The following STAG1 variants were observed in gnomAD, a reference collection of about 807,000 sequenced individuals.
STAG1 encodes the protein STAG1 cohesin complex component, also known as cohesin subunit SA-1.
Under a neutral mutation model 170.9 loss-of-function variants are expected in STAG1, and 26 were observed. The observed-to-expected ratio is 0.15, with a 90% confidence interval of 0.11 to 0.21. STAG1 has a LOEUF of 0.21. Among genes scored for constraint, STAG1 ranks in the 10% least tolerant of loss-of-function variants. The probability of loss-of-function intolerance (pLI) is 1.00; values close to 1 mark genes in which losing one functional copy is unlikely to be tolerated. For synonymous variants in STAG1, 514 were observed against 497.7 expected (o/e 1.03, Z -0.44); for missense variants, 964 against 1,509.5 (o/e 0.64, Z 5.99).
chr3:136,556,359 T>C (rs1936615122), intron 5 of STAG1, among the ~76,000 whole-genome samples: 1 of 152,160 alleles, frequency 6.6e-6, no homozygotes, highest in African/African-American at 2.4e-5. Flanking sequence ...CAGCAGCAGT[T>C]GTTCAAGTAG....
chr3:136,574,868 ATTCTT>A (rs1330205633), intron 4 of STAG1, among the ~76,000 whole-genome samples: 3 of 152,216 alleles, frequency 2.0e-5, no homozygotes, highest in South Asian at 2.1e-4. Flanking sequence ...CAGAATACAC[ATTCTT>A]TTCAAGTACA....
chr3:136,433,421 A>G, intron 16 of STAG1, 135 bp downstream of exon 16: 1 of 678,756 alleles, frequency 1.5e-6, no homozygotes, highest in South Asian at 1.7e-5. Context: ...GGATATAAAG[A>G]TGAAGCACCA....
intron 1 of STAG1, among the ~76,000 whole-genome samples, chr3:136,724,471 G>C (rs1933542161): frequency 6.6e-6 from 1 of 151,726 alleles, no homozygotes; most frequent in Non-Finnish European, 1.5e-5. Flanking sequence ...CACTGAGGAA[G>C]GCCGCAGGGT....
At chr3:136,714,682 C>T (rs996752771) in intron 1 of STAG1, among the ~76,000 whole-genome samples, 2 of 151,692 alleles carry the variant, frequency 1.3e-5, no homozygotes, top group Non-Finnish European at 2.9e-5. Flanking sequence ...GAGCCAAGAT[C>T]GTGCCACTGC....
At chr3:136,523,105 A>C (rs1576560941) in intron 6 of STAG1, among the ~76,000 whole-genome samples, 1 of 152,266 alleles carries the variant, frequency 6.6e-6, no homozygotes, top group African/African-American at 2.4e-5. Flanking sequence ...GGCTGGCTCA[A>C]ATGATATTTC....
intron 1 of STAG1, among the ~76,000 whole-genome samples, chr3:136,712,902 C>G (rs944385336): frequency 6.6e-6 from 1 of 152,028 alleles, no homozygotes; most frequent in Admixed American, 6.5e-5. Flanking sequence ...ACCAGCCTGG[C>G]CAACATGGCG....
chr3:136,475,897 T>C (rs778009703), intron 10 of STAG1, among the ~76,000 whole-genome samples: 5 of 152,180 alleles, frequency 3.3e-5, no homozygotes, highest in Admixed American at 6.5e-5. Flanking sequence ...TTATTTCCTT[T>C]AGAAAGAGAA....
intron 1 of STAG1, among the ~76,000 whole-genome samples, chr3:136,677,133 GAAGTA>G (rs962519196): frequency 3.9e-5 from 6 of 152,068 alleles, no homozygotes; most frequent in African/African-American, 1.4e-4. Flanking sequence ...ATAACAATTG[GAAGTA>G]TAGTACAATA....
At chr3:136,629,945 C>T (rs1039646978) in intron 2 of STAG1, among the ~76,000 whole-genome samples, 4 of 152,046 alleles carry the variant, frequency 2.6e-5, no homozygotes, top group African/African-American at 4.8e-5. Flanking sequence ...CATGTAATCC[C>T]GGCACTTTGG....
chr3:136,612,634 C>T (rs1321001088), intron 3 of STAG1, among the ~76,000 whole-genome samples: 2 of 152,178 alleles, frequency 1.3e-5, no homozygotes, highest in African/African-American at 4.8e-5. Flanking sequence ...GAGCCATGAA[C>T]GTTCCACTGC....
chr3:136,351,963 CAAAGG>C (rs1936447236), intron 28 of STAG1, among the ~76,000 whole-genome samples: 1 of 151,840 alleles, frequency 6.6e-6, no homozygotes, highest in Non-Finnish European at 1.5e-5. Context: ...ATGATAAAAA[CAAAGG>C]AAAAAAGATC....
chr3:136,457,623 GC>G (rs1265242922), intron 13 of STAG1, among the ~76,000 whole-genome samples: 4 of 152,032 alleles, frequency 2.6e-5, no homozygotes, highest in African/African-American at 9.7e-5. Context: ...GGACTTCGTA[GC>G]CCCCACGGCC....
At chr3:136,688,219 C>T (rs973082760) in intron 1 of STAG1, among the ~76,000 whole-genome samples, 2 of 151,990 alleles carry the variant, frequency 1.3e-5, no homozygotes, top group African/African-American at 2.4e-5. Context: ...TTCAGCATGT[C>T]GACATAGGGA....
intron 6 of STAG1, among the ~76,000 whole-genome samples, chr3:136,526,483 G>A (rs905673738): frequency 3.3e-5 from 5 of 152,140 alleles, no homozygotes; most frequent in East Asian, 1.9e-4. Context: ...TTGAGCCTAC[G>A]TGTGTCTCTG....
chr3:136,594,632 G>T (rs2107796499), intron 4 of STAG1, among the ~76,000 whole-genome samples: 1 of 152,282 alleles, frequency 6.6e-6, no homozygotes, highest in African/African-American at 2.4e-5. Context: ...TATATTAATA[G>T]ATCATTTGAT....
chr3:136,468,539 C>T (rs2089535151), intron 12 of STAG1, among the ~76,000 whole-genome samples: 2 of 152,136 alleles, frequency 1.3e-5, no homozygotes, highest in African/African-American at 4.8e-5. Context: ...AAAAAAAGTC[C>T]AGGACCAGAT....
intron 5 of STAG1, among the ~76,000 whole-genome samples, chr3:136,551,875 G>A (rs775080933): frequency 2.0e-5 from 3 of 152,008 alleles, no homozygotes; most frequent in Non-Finnish European, 2.9e-5. Flanking sequence ...GATTACAGAC[G>A]TGAGCCACTG....
intron 21 of STAG1, among the ~76,000 whole-genome samples, chr3:136,415,778 C>G (rs1314980579): frequency 1.3e-5 from 2 of 152,126 alleles, no homozygotes; most frequent in Non-Finnish European, 2.9e-5. Flanking sequence ...GCTGAGACCA[C>G]GCCACTGTAC....
intron 1 of STAG1, among the ~76,000 whole-genome samples, chr3:136,726,744 A>G (rs1346388556): frequency 6.6e-6 from 1 of 152,134 alleles, no homozygotes; most frequent in Non-Finnish European, 1.5e-5. Flanking sequence ...TTTTTTAAAC[A>G]TTCCTCTTCT....
Sources: allele counts gnomAD v4.1 joint callset (sites outside exome capture counted in the v4.1 genomes callset), GRCh38; gene constraint gnomAD v4.1.1; transcripts MANE v1.5; gene names NCBI Gene and HGNC (gene_info 2026-07-23, HGNC 2026-07-21).